UNC13C: variants seen among roughly 807,000 people sequenced by gnomAD.
The protein encoded by UNC13C is unc-13 homolog C, also known as protein unc-13 homolog C.
In UNC13C, 174 loss-of-function variants were observed where a neutral mutation model predicts 245.4. The ratio of observed to expected loss-of-function variants is 0.71; its 90% CI spans 0.63 to 0.80. The LOEUF is 0.80. UNC13C is among the 30% of genes least tolerant of loss of function. The pLI is 0.00. For missense variants in UNC13C, 2,829 were observed against 2,602.9 expected, an observed-to-expected ratio of 1.09 and a Z score of -1.89; for synonymous variants, 992 against 895.1, an observed-to-expected ratio of 1.11 and a Z score of -1.93.
chr15:54,467,442 T>C (rs955196041), intron 19 of UNC13C, among the ~76,000 whole-genome samples: 4 of 151,706 alleles, frequency 2.6e-5, no homozygotes, highest in Non-Finnish European at 5.9e-5. Context: ...TATTATTGTT[T>C]TCATTACCTC....
At chr15:54,450,307 G>A (rs1891097665) in intron 19 of UNC13C, among the ~76,000 whole-genome samples, 1 of 152,216 alleles carries the variant, frequency 6.6e-6, no homozygotes, top group South Asian at 2.1e-4. Flanking sequence ...CTGTCACACA[G>A]GGACATTTAA....
intron 17 of UNC13C, among the ~76,000 whole-genome samples, chr15:54,343,857 T>C (rs919522103): frequency 1.3e-5 from 2 of 152,062 alleles, no homozygotes; most frequent in African/African-American, 4.8e-5. Context: ...GGGAGGGGCT[T>C]ACTGGATAGA....
At chr15:53,992,213 T>G (rs1215149011) in intron 1 of UNC13C, among the ~76,000 whole-genome samples, 1 of 152,034 alleles carries the variant, frequency 6.6e-6, no homozygotes, top group African/African-American at 2.4e-5. Context: ...CTCGTATACC[T>G]CTCCATTGAT....
chr15:54,074,570 T>C (rs1213302790), intron 2 of UNC13C, among the ~76,000 whole-genome samples: 17 of 152,218 alleles, frequency 1.1e-4, no homozygotes, highest in Non-Finnish European at 1.5e-5. Flanking sequence ...CAGTGGTTTG[T>C]AGTTCTCCTT....
chr15:54,249,047 G>C (rs1231783354), intron 7 of UNC13C, among the ~76,000 whole-genome samples: 1 of 152,008 alleles, frequency 6.6e-6, no homozygotes, highest in African/African-American at 2.4e-5. Flanking sequence ...CTTCCTACAG[G>C]GTTTATGTAA....
chr15:53,885,246 T>G, the UNC13C span, among the ~76,000 whole-genome samples: 1 of 152,156 alleles, frequency 6.6e-6, no homozygotes, highest in Admixed American at 6.5e-5. Context: ...CCCACCCAAT[T>G]TTATTACCCA....
intron 30 of UNC13C, among the ~76,000 whole-genome samples, chr15:54,597,041 C>G (rs910394384): frequency 2.0e-5 from 3 of 152,132 alleles, no homozygotes; most frequent in Non-Finnish European, 2.9e-5. Context: ...ATCTTTTTGG[C>G]GCCAGAGACT....
In UNC13C at chr15:54,300,196, C is replaced by A. The variant is rs2037540225; in HGVS notation, c.4105-14C>A. ...TGAGGAATCACTGAACAATTAAAAA[C>A]CACTTGCTTTTAGAATCTGTTCCAT... On this transcript the variant is annotated splice_polypyrimidine_tract_variant and intron_variant, in intron 12 of 32. Coordinates refer to ENST00000260323, the MANE Select transcript of UNC13C (RefSeq NM_001080534.3). 3 of 1,590,510 alleles carry A rather than the reference C, an allele frequency of 1.9e-6. No individual in the cohort carries two copies. Among genetic ancestry groups the A allele is most frequent in the Admixed American group, 1.8e-5 (1 of 56,342 alleles).
At position 53,978,888 on chromosome 15, in the gene UNC13C, A is replaced by C. The variant is rs1893809218; in HGVS notation, c.-296A>C. ...TCCAAAAGGAGGGGAAGAACAACCC[A>C]GTTGGCGTGCACATTTTTTTTTAAA... On this transcript the variant is annotated 5_prime_UTR_variant, in exon 1 of 33. Coordinates refer to ENST00000260323, the MANE Select transcript of UNC13C (RefSeq NM_001080534.3). 6.6e-6 allele frequency among the ~76,000 whole-genome samples: 1 copy of C among 152,200 alleles called. No homozygotes were observed. The highest frequency in any genetic ancestry group is 1.9e-4 in the East Asian group (1 of 5,184).
intron 30 of UNC13C, among the ~76,000 whole-genome samples, chr15:54,591,617 G>T (rs1165116573): frequency 3.3e-5 from 5 of 152,010 alleles, no homozygotes; most frequent in African/African-American, 1.2e-4. Flanking sequence ...TTGTACTTCA[G>T]TCATGTCAGT....
intron 11 of UNC13C, among the ~76,000 whole-genome samples, chr15:54,296,331 G>A (rs370816118): frequency 7.9e-5 from 12 of 151,578 alleles, no homozygotes; most frequent in African/African-American, 2.9e-4. Flanking sequence ...CTCCCGAGTA[G>A]CTGGGACTAC....
intron 4 of UNC13C, among the ~76,000 whole-genome samples, chr15:54,150,314 C>A (rs1457670224): frequency 6.6e-6 from 1 of 152,222 alleles, no homozygotes; most frequent in Non-Finnish European, 1.5e-5. Context: ...GTGTTGGGCA[C>A]AATCATGCCA....
chr15:53,873,000 G>C, the UNC13C span, among the ~76,000 whole-genome samples: 5 of 152,052 alleles, frequency 3.3e-5, no homozygotes, highest in African/African-American at 1.2e-4. Flanking sequence ...ACTTTTTCTT[G>C]TCCTTCCACA....
chr15:54,181,118 G>A lies in UNC13C; in HGVS notation c.3071+37434G>A, dbSNP rs118146735. Among the ~76,000 whole-genome samples the A allele has an allele frequency of 4.7e-3, 717 of 151,836 alleles. 4 individuals are homozygous for A. Among genetic ancestry groups the A allele is most frequent in the Non-Finnish European group, 7.9e-3 (536 of 67,736 alleles). On this transcript the variant is annotated intron_variant, in intron 4 of 32. Coordinates refer to ENST00000260323, the MANE Select transcript of UNC13C (RefSeq NM_001080534.3). ...TTCTATGTTTTCTTCTAGGATTTAAGAATCCTAGTTTGAAGTCTTGCATTT... is the reference window on the plus strand; with the variant it reads ...TTCTATGTTTTCTTCTAGGATTTAAAAATCCTAGTTTGAAGTCTTGCATTT...
intron 22 of UNC13C, among the ~76,000 whole-genome samples, chr15:54,502,724 C>T (rs1894283573): frequency 6.6e-6 from 1 of 151,002 alleles, no homozygotes; most frequent in Non-Finnish European, 1.5e-5. Flanking sequence ...TTAAAAATCT[C>T]AGGGTTAATA....
chr15:54,571,664 A>G (rs1017211934), intron 30 of UNC13C, among the ~76,000 whole-genome samples: 2 of 152,254 alleles, frequency 1.3e-5, no homozygotes, highest in Non-Finnish European at 2.9e-5. Flanking sequence ...AGTCAAATAT[A>G]AAGTAGTAAT....
intron 4 of UNC13C, among the ~76,000 whole-genome samples, chr15:54,191,662 C>G (rs981350700): frequency 9.2e-5 from 14 of 152,124 alleles, no homozygotes; most frequent in Non-Finnish European, 1.3e-4. Context: ...ATTTACACTC[C>G]CACCAACAGT....
downstream of UNC13C, chr15:54,630,506 T>C (rs1046036967): frequency 1.3e-5 from 2 of 152,206 alleles, no homozygotes; most frequent in African/African-American, 4.8e-5. Flanking sequence ...ATCTTTATGC[T>C]CAAATAATAA....
intron 2 of UNC13C, among the ~76,000 whole-genome samples, chr15:54,038,124 A>ATATATAAATTTTTTTTTTT: frequency 2.2e-5 from 1 of 45,040 alleles, no homozygotes; most frequent in African/African-American, 1.1e-4. Flanking sequence ...ATATATATAT[A>ATATATAAATTTTTTTTTTT]TTTTTTTTTT....
Sources: allele counts gnomAD v4.1 joint callset (sites outside exome capture counted in the v4.1 genomes callset), GRCh38; gene constraint gnomAD v4.1.1; transcripts MANE v1.5; gene names NCBI Gene and HGNC (gene_info 2026-07-23, HGNC 2026-07-21).